Variants in TCF20 observed in about 807,000 individuals in gnomAD.
The protein encoded by TCF20 is transcription factor 20, also known as SPRE-binding protein.
Under a neutral mutation model 148.6 loss-of-function variants are expected in TCF20, and 3 were observed. The ratio of observed to expected loss-of-function variants is 0.02; its 90% CI spans 0.01 to 0.05. The LOEUF (loss-of-function observed/expected upper bound fraction) is 0.05. Among genes scored for constraint, TCF20 ranks in the 10% least tolerant of loss-of-function variants. The probability of loss-of-function intolerance (pLI) is 1.00; values close to 1 mark genes in which losing one functional copy is unlikely to be tolerated. For missense variants in TCF20, 2,350 were observed against 2,429.3 expected, an observed-to-expected ratio of 0.97 and a Z score of 0.69; for synonymous variants, 1,049 against 909.5, an observed-to-expected ratio of 1.15 and a Z score of -2.76.
chr22:42,162,672 C>T (rs573382031), intron 5 of TCF20, among the ~76,000 whole-genome samples: 19 of 152,228 alleles, frequency 1.2e-4, no homozygotes, highest in South Asian at 2.1e-4. Context: ...AAGACTGTCA[C>T]TGGGGCTCAC....
chr22:42,254,562 C>T (rs1256074000), intron 1 of TCF20, among the ~76,000 whole-genome samples: 1 of 152,186 alleles, frequency 6.6e-6, no homozygotes, highest in African/African-American at 2.4e-5. Context: ...TCTCACCTGT[C>T]CTCCATTCAC....
At chr22:42,201,532 C>T (rs879442269) in intron 2 of TCF20, among the ~76,000 whole-genome samples, 4 of 152,180 alleles carry the variant, frequency 2.6e-5, no homozygotes, top group Non-Finnish European at 5.9e-5. Context: ...CTTCGGGAGG[C>T]TGAGGCAGAC....
At chr22:42,174,791 T>C (rs2147076353) in intron 3 of TCF20, among the ~76,000 whole-genome samples, 1 of 151,962 alleles carries the variant, frequency 6.6e-6, no homozygotes, top group South Asian at 2.1e-4. Context: ...ATCCCAGCAC[T>C]TTGGGGGGCC....
At chr22:42,216,712 C>T (rs1297102141) in intron 1 of TCF20, among the ~76,000 whole-genome samples, 1 of 152,180 alleles carries the variant, frequency 6.6e-6, no homozygotes, top group Non-Finnish European at 1.5e-5. Flanking sequence ...GAATTAGAAG[C>T]AATCATCTTG....
At chr22:42,172,234 C>A (rs117158605) in intron 3 of TCF20, among the ~76,000 whole-genome samples, 2 of 152,336 alleles carry the variant, frequency 1.3e-5, no homozygotes, top group East Asian at 3.9e-4. Context: ...GGGGCCAGAA[C>A]CACAGCTAGA....
intron 1 of TCF20, among the ~76,000 whole-genome samples, chr22:42,219,353 C>A (rs10428044): frequency 5.9e-5 from 1 of 17,058 alleles, no homozygotes; most frequent in Admixed American, 6.8e-4. Context: ...GTAACCCTGT[C>A]TCAAAAAAAA....
At chr22:42,247,439 CA>C (rs58249230) in intron 1 of TCF20, among the ~76,000 whole-genome samples, 106 of 87,342 alleles carry the variant, frequency 1.2e-3, no homozygotes, top group Admixed American at 2.1e-3. Context: ...GACTCCATCT[CA>C]AAAAAAAAAA....
chr22:42,215,455 G>T (rs1286447079), intron 1 of TCF20, 114 bp from the exon 2 acceptor site: 6 of 1,318,452 alleles, frequency 4.6e-6, no homozygotes, highest in Non-Finnish European at 6.0e-6. Flanking sequence ...AAGCTGACTG[G>T]TTTGAATTTC....
upstream of TCF20, among the ~76,000 whole-genome samples, chr22:42,288,546 A>AG (rs1927073876): frequency 6.7e-6 from 1 of 149,360 alleles, no homozygotes; most frequent in African/African-American, 2.5e-5. Flanking sequence ...GGAAAAAAAA[A>AG]AAAAAAAAAA....
At chr22:42,319,883 C>G (rs1042344728) in intron 1 of TCF20, among the ~76,000 whole-genome samples, 6 of 152,140 alleles carry the variant, frequency 3.9e-5, no homozygotes, top group African/African-American at 1.2e-4. Context: ...CTTACCCCCA[C>G]CTGCAGGGTG....
At chr22:42,238,034 T>C (rs986871622) in intron 1 of TCF20, among the ~76,000 whole-genome samples, 2 of 152,222 alleles carry the variant, frequency 1.3e-5, no homozygotes, top group African/African-American at 2.4e-5. Context: ...AGCCTGTCTT[T>C]TGAAGCCAGG....
upstream of TCF20, among the ~76,000 whole-genome samples, chr22:42,285,642 T>C (rs1927016559): frequency 6.6e-6 from 1 of 152,134 alleles, no homozygotes; most frequent in Admixed American, 6.5e-5. The surrounding 1 kb of genome is among the most constrained non-coding windows in gnomAD (Gnocchi z 4.2). Context: ...TTATTATTAT[T>C]TTATTTTTTT....
At chr22:42,334,357 G>A (rs960619584) in intron 1 of TCF20, among the ~76,000 whole-genome samples, 3 of 151,894 alleles carry the variant, frequency 2.0e-5, no homozygotes, top group Non-Finnish European at 4.4e-5. Context: ...GTACCCCAAT[G>A]AGGAGTCAAG....
At chr22:42,340,212 C>A (rs966696865) in intron 1 of TCF20, among the ~76,000 whole-genome samples, 5 of 152,210 alleles carry the variant, frequency 3.3e-5, no homozygotes, top group Non-Finnish European at 7.4e-5. Context: ...CAAGCCTGTC[C>A]CCATCTGTTC....
At chr22:42,176,588 T>C (rs767931040) in intron 3 of TCF20, among the ~76,000 whole-genome samples, 1 of 152,298 alleles carries the variant, frequency 6.6e-6, no homozygotes, top group South Asian at 2.1e-4. Context: ...AGAGGGGGCA[T>C]GCACATGACA....
At chr22:42,301,270 G>A (rs111436008) in intron 1 of TCF20, among the ~76,000 whole-genome samples, 5 of 152,262 alleles carry the variant, frequency 3.3e-5, no homozygotes, top group African/African-American at 1.2e-4. Flanking sequence ...GGCGAGGATG[G>A]AGTCATTCAT....
intron 1 of TCF20, among the ~76,000 whole-genome samples, chr22:42,231,964 TTAATAA>T (rs1923458630): frequency 6.7e-6 from 1 of 150,262 alleles, no homozygotes; most frequent in African/African-American, 2.4e-5. Flanking sequence ...TAATCTAAGG[TTAATAA>T]TATCAAAACA....
intron 2 of TCF20, among the ~76,000 whole-genome samples, chr22:42,183,861 C>T (rs536691501): frequency 4.7e-4 from 72 of 151,922 alleles, no homozygotes; most frequent in Admixed American, 4.3e-3. Context: ...CTCCACCTCC[C>T]GGGTTCAAGC....
At chr22:42,302,024 C>T (rs1380840683) in intron 1 of TCF20, among the ~76,000 whole-genome samples, 1 of 152,174 alleles carries the variant, frequency 6.6e-6, no homozygotes, top group Non-Finnish European at 1.5e-5. Context: ...GGGAGAGAAC[C>T]CCCTGATGGG....
Sources: allele counts gnomAD v4.1 joint callset (sites outside exome capture counted in the v4.1 genomes callset), GRCh38; gene constraint gnomAD v4.1.1; non-coding constraint Gnocchi (gnomAD v3.1); transcripts MANE v1.5; gene names NCBI Gene and HGNC (gene_info 2026-07-23, HGNC 2026-07-21).